The following MTUS2 variants were observed in gnomAD, a reference collection of about 807,000 sequenced individuals.
MTUS2 encodes microtubule associated scaffold protein 2, also known as microtubule-associated tumor suppressor candidate 2.
Under a neutral mutation model 114.1 loss-of-function variants are expected in MTUS2, and 40 were observed. That is an observed-to-expected ratio of 0.35 (90% CI 0.27 to 0.46). The LOEUF (loss-of-function observed/expected upper bound fraction) is 0.46. Among genes scored for constraint, MTUS2 ranks in the 20% least tolerant of loss-of-function variants. The probability of loss-of-function intolerance (pLI) is 1.00; values close to 1 mark genes in which losing one functional copy is unlikely to be tolerated. For synonymous variants in MTUS2, 688 were observed against 672.0 expected, an observed-to-expected ratio of 1.02 and a Z score of -0.37; for missense variants, 1,679 against 1,705.4, an observed-to-expected ratio of 0.98 and a Z score of 0.27.
chr13:29,270,929 C>T (rs1418728839), intron 5 of MTUS2, among the ~76,000 whole-genome samples: 3 of 152,218 alleles, frequency 2.0e-5, no homozygotes, highest in African/African-American at 7.2e-5. Flanking sequence ...CATCAGAGAG[C>T]GTCTTCTCTG....
At chr13:28,969,569 C>A (rs1566259966) in intron 2 of MTUS2, among the ~76,000 whole-genome samples, 1 of 152,064 alleles carries the variant, frequency 6.6e-6, no homozygotes, top group Non-Finnish European at 1.5e-5. Context: ...GTGGCGCGAT[C>A]TTGACTCACT....
intron 2 of MTUS2, among the ~76,000 whole-genome samples, chr13:29,008,145 C>T (rs1885680454): frequency 6.6e-6 from 1 of 152,048 alleles, no homozygotes; most frequent in Non-Finnish European, 1.5e-5. Context: ...TTGTGATGTT[C>T]GCCCCTTTGC....
At chr13:29,108,807 G>A (rs1333807424) in intron 5 of MTUS2, among the ~76,000 whole-genome samples, 2 of 152,170 alleles carry the variant, frequency 1.3e-5, no homozygotes, top group African/African-American at 4.8e-5. Flanking sequence ...CTCCAGGCTG[G>A]CTCAGCACTA....
At chr13:29,206,722 A>C (rs534177921) in intron 5 of MTUS2, among the ~76,000 whole-genome samples, 1 of 152,060 alleles carries the variant, frequency 6.6e-6, no homozygotes, top group African/African-American at 2.4e-5. Flanking sequence ...GACTGTAGGT[A>C]GTAGGCTTTA....
intron 14 of MTUS2, among the ~76,000 whole-genome samples, chr13:29,498,938 A>G (rs1593522193): frequency 6.6e-6 from 1 of 152,214 alleles, no homozygotes; most frequent in East Asian, 1.9e-4. Context: ...TGCCGCCACC[A>G]GCCGCTTTAC....
intron 5 of MTUS2, among the ~76,000 whole-genome samples, chr13:29,129,769 A>G (rs1022300784): frequency 6.6e-6 from 1 of 152,286 alleles, no homozygotes; most frequent in East Asian, 1.9e-4. Flanking sequence ...TCTCAGGGGC[A>G]GCCTTGGTAC....
At chr13:29,419,645 G>T (rs2138586524) in intron 8 of MTUS2, among the ~76,000 whole-genome samples, 1 of 152,258 alleles carries the variant, frequency 6.6e-6, no homozygotes, top group East Asian at 1.9e-4. Flanking sequence ...ACTGTTGCTG[G>T]GGTTCAACTT....
intron 2 of MTUS2, among the ~76,000 whole-genome samples, chr13:28,998,380 C>G (rs1024535038): frequency 6.6e-6 from 1 of 152,146 alleles, no homozygotes; most frequent in Non-Finnish European, 1.5e-5. Flanking sequence ...TGGAGTTGCT[C>G]TTCTTGAGGA....
chr13:28,871,957 C>T lies in MTUS2; in HGVS notation c.-243+32107C>T, dbSNP rs964094556. 4.0e-4 allele frequency among the ~76,000 whole-genome samples: 61 copies of T among 151,914 alleles called. 1 individual carries two copies. Among genetic ancestry groups the T allele is most frequent in the African/African-American group, 1.3e-3 (53 of 41,340 alleles). ...TTGGCCAGACCAGGAGGGAGGAGGC[C>T]GAGAGGGAGGCAGGAGGCAGATCAC... On this transcript the variant is annotated intron_variant, in intron 2 of 15. Coordinates refer to ENST00000612955, the MANE Select transcript of MTUS2 (RefSeq NM_001033602.4).
chr13:28,895,364 C>T (rs1251397787), intron 2 of MTUS2, among the ~76,000 whole-genome samples: 1 of 152,154 alleles, frequency 6.6e-6, no homozygotes, highest in Admixed American at 6.5e-5. Flanking sequence ...TAATAATGAA[C>T]TGTGCTTGTG....
At chr13:28,912,561 T>C (rs1440939803) in intron 2 of MTUS2, among the ~76,000 whole-genome samples, 2 of 152,100 alleles carry the variant, frequency 1.3e-5, no homozygotes, top group Non-Finnish European at 2.9e-5. Flanking sequence ...ATGTCAATGG[T>C]AGTTTAATGG....
At chr13:29,317,387 C>T (rs1466119523) in intron 6 of MTUS2, among the ~76,000 whole-genome samples, 1 of 152,118 alleles carries the variant, frequency 6.6e-6, no homozygotes, top group Non-Finnish European at 1.5e-5. Flanking sequence ...CTAGTCCTTG[C>T]ATCTAACTCT....
chr13:29,223,136 G>T (rs540470598), intron 5 of MTUS2, among the ~76,000 whole-genome samples: 1 of 152,318 alleles, frequency 6.6e-6, no homozygotes, highest in East Asian at 1.9e-4. Flanking sequence ...CCACCCTCAT[G>T]TCAGGGATAG....
At chr13:29,390,855 T>C (rs1873392509) in intron 8 of MTUS2, among the ~76,000 whole-genome samples, 1 of 151,652 alleles carries the variant, frequency 6.6e-6, no homozygotes, top group Non-Finnish European at 1.5e-5. Flanking sequence ...CGACCTTGGC[T>C]CACTGCAACC....
chr13:29,037,551 T>C (rs537483115), intron 4 of MTUS2, among the ~76,000 whole-genome samples: 1 of 152,334 alleles, frequency 6.6e-6, no homozygotes, highest in Admixed American at 6.5e-5. Context: ...AAATTGAATA[T>C]TGGCCTGTCT....
chr13:29,075,629 T>C (rs776410810), intron 4 of MTUS2, among the ~76,000 whole-genome samples: 3 of 152,234 alleles, frequency 2.0e-5, no homozygotes, highest in Non-Finnish European at 2.9e-5. Flanking sequence ...TTTCTCTACC[T>C]TGGGCTTCCA....
intron 5 of MTUS2, among the ~76,000 whole-genome samples, chr13:29,249,018 C>T (rs571716624): frequency 5.9e-5 from 9 of 152,208 alleles, no homozygotes; most frequent in South Asian, 2.1e-4. Flanking sequence ...GACAGAGTCT[C>T]GCTCTGTCAC....
At chr13:29,346,440 T>C (rs1868696912) in intron 7 of MTUS2, among the ~76,000 whole-genome samples, 1 of 151,920 alleles carries the variant, frequency 6.6e-6, no homozygotes. Context: ...CCAGGGGGAT[T>C]ATGGCTGCCT....
At chr13:29,206,063 C>T (rs1374198867) in intron 5 of MTUS2, among the ~76,000 whole-genome samples, 1 of 152,182 alleles carries the variant, frequency 6.6e-6, no homozygotes. Context: ...CACACTCCCA[C>T]CAACTTCTAT....
Sources: gnomAD v4.1 joint callset for allele counts (sites outside exome capture counted in the v4.1 genomes callset) on GRCh38, gnomAD v4.1.1 for gene constraint, MANE v1.5 for transcripts, NCBI Gene and HGNC (gene_info 2026-07-23, HGNC 2026-07-21) for gene names.